The following RIMS2 variants were observed in gnomAD, a reference collection of about 807,000 sequenced individuals.
RIMS2 encodes the protein regulating synaptic membrane exocytosis 2, also known as regulating synaptic membrane exocytosis protein 2.
In RIMS2, 59 loss-of-function variants were observed where a neutral mutation model predicts 174.4. The ratio of observed to expected loss-of-function variants is 0.34; its 90% CI spans 0.27 to 0.42. The LOEUF is 0.42. Among genes scored for constraint, RIMS2 ranks in the 10% least tolerant of loss-of-function variants. The pLI, the probability that RIMS2 is intolerant of heterozygous loss-of-function variation, is 1.00. For synonymous variants in RIMS2, 606 were observed against 572.5 expected, an observed-to-expected ratio of 1.06 and a Z score of -0.84; for missense variants, 1,620 against 1,666.3, an observed-to-expected ratio of 0.97 and a Z score of 0.48.
chr8:103,615,833 T>C (rs1434802988), intron 1 of RIMS2, among the ~76,000 whole-genome samples: 2 of 152,110 alleles, frequency 1.3e-5, no homozygotes, highest in Non-Finnish European at 2.9e-5. Flanking sequence ...AAGTAATTGA[T>C]TCCCCAAACA....
At chr8:103,977,892 A>G (rs12675809) in intron 16 of RIMS2, among the ~76,000 whole-genome samples, 101,914 of 152,022 alleles carry the variant, frequency 0.67, 34,958 homozygotes, top group African/African-American at 0.71. Flanking sequence ...CAACCTGGAA[A>G]CTCATCAAAT....
intron 1 of RIMS2, among the ~76,000 whole-genome samples, chr8:103,534,943 A>G (rs377362993): frequency 9.0e-4 from 137 of 152,294 alleles, no homozygotes; most frequent in African/African-American, 3.2e-3. Context: ...ATACCAGTTG[A>G]GACTTATTTG....
chr8:104,130,180 A>G (rs1225510683), intron 19 of RIMS2, among the ~76,000 whole-genome samples: 1 of 152,226 alleles, frequency 6.6e-6, no homozygotes, highest in Non-Finnish European at 1.5e-5. Context: ...AAACAATTGC[A>G]ATAGAAGAAT....
chr8:103,792,441 T>G (rs758477200), intron 3 of RIMS2, among the ~76,000 whole-genome samples: 1 of 152,124 alleles, frequency 6.6e-6, no homozygotes. Context: ...GGGAAATTTA[T>G]AGCACTAAAT....
rs2093075179 is a variant in RIMS2, at chr8:103,973,178, A to G, written c.2771-2172A>G. Among the ~76,000 whole-genome samples, 3 of 152,200 alleles carry G rather than the reference A, an allele frequency of 2.0e-5. No homozygotes were observed. In the South Asian group the frequency reaches 6.2e-4, roughly 32 times the overall value. On this transcript the variant is annotated intron_variant, in intron 15 of 23. Transcript: ENST00000504942. ...TTCCATCATCAGAGCAGAATGTACTATTGGGACACAGTGAGAGCACTGGAG... is the reference window on the plus strand; with the variant it reads ...TTCCATCATCAGAGCAGAATGTACTGTTGGGACACAGTGAGAGCACTGGAG...
chr8:103,792,953 CA>C (rs1246812978), intron 3 of RIMS2, among the ~76,000 whole-genome samples: 2 of 151,874 alleles, frequency 1.3e-5, no homozygotes, highest in Admixed American at 1.3e-4. Context: ...GCCTACCAAC[CA>C]AAAAAAGTCC....
chr8:103,961,927 T>G (rs1595898156), intron 15 of RIMS2, among the ~76,000 whole-genome samples: 1 of 152,270 alleles, frequency 6.6e-6, no homozygotes, highest in African/African-American at 2.4e-5. Flanking sequence ...TTTTTCCCTT[T>G]CTTTGTACTA....
At chr8:104,190,847 T>C (rs1418968675) in intron 19 of RIMS2, among the ~76,000 whole-genome samples, 1 of 152,104 alleles carries the variant, frequency 6.6e-6, no homozygotes, top group East Asian at 1.9e-4. Context: ...GAATTATTGA[T>C]AACAGGTTGC....
At chr8:104,044,350 A>G (rs1019377115) in intron 19 of RIMS2, among the ~76,000 whole-genome samples, 1 of 151,734 alleles carries the variant, frequency 6.6e-6, no homozygotes, top group South Asian at 2.1e-4. Flanking sequence ...AGTAGTAGCA[A>G]AACAAGGAGA....
chr8:103,711,442 T>A (rs953177835), intron 2 of RIMS2, among the ~76,000 whole-genome samples: 1 of 152,234 alleles, frequency 6.6e-6, no homozygotes, highest in East Asian at 1.9e-4. Context: ...TGAATCATTA[T>A]AATAGCAATT....
intron 19 of RIMS2, among the ~76,000 whole-genome samples, chr8:104,146,204 C>CAAAAAA (rs36101798): frequency 1.4e-4 from 9 of 65,914 alleles, no homozygotes; most frequent in South Asian, 7.5e-4. Flanking sequence ...TCTCCTCTCC[C>CAAAAAA]AAAAAAAAAA....
At chr8:103,542,159 T>C (rs1246131208) in intron 1 of RIMS2, among the ~76,000 whole-genome samples, 3 of 152,076 alleles carry the variant, frequency 2.0e-5, no homozygotes, top group African/African-American at 7.2e-5. Flanking sequence ...AGAAAAGATA[T>C]TCCAACTCAG....
intron 1 of RIMS2, among the ~76,000 whole-genome samples, chr8:103,550,850 A>G (rs1308262871): frequency 1.3e-5 from 2 of 151,550 alleles, no homozygotes; most frequent in Admixed American, 6.6e-5. Context: ...TAAAGTAGAA[A>G]ATCTAGAAGA....
chr8:103,682,613 C>T lies in RIMS2; in HGVS notation c.177-14473C>T, dbSNP rs56675271. Among the ~76,000 whole-genome samples the T allele has an allele frequency of 2.9e-3, 446 of 152,228 alleles. 2 individuals are homozygous for T. Among genetic ancestry groups the T allele is most frequent in the Middle Eastern group, 0.01 (3 of 294 alleles). ...TGTAAATGGGAAGGGAAGATATGAT[C>T]TTGGCAAGGAACGTCAATTAACTCC... On this transcript the variant is annotated intron_variant, in intron 1 of 23. Transcript: ENST00000504942.
At chr8:103,716,902 C>G (rs1031946410) in intron 2 of RIMS2, among the ~76,000 whole-genome samples, 1 of 152,038 alleles carries the variant, frequency 6.6e-6, no homozygotes, top group Admixed American at 6.6e-5. Flanking sequence ...GTAGATACGA[C>G]TAGACTACCG....
rs567965940 is a variant in RIMS2, at chr8:103,670,321, T to A, written c.177-26765T>A. ...TCCTCCTAGACCTCTAGACCTGTGA[T>A]GGAAGGGGCTGCTGCAAAAGTCTCT... On this transcript the variant is annotated intron_variant, in intron 1 of 23. Coordinates refer to ENST00000504942, the Ensembl canonical transcript of RIMS2. Among the ~76,000 whole-genome samples, 5 of 152,354 alleles carry A rather than the reference T, an allele frequency of 3.3e-5. No homozygotes were observed. In the South Asian group the frequency reaches 6.2e-4, roughly 19 times the overall value.
chr8:103,871,445 T>C (rs1361644706), intron 3 of RIMS2, among the ~76,000 whole-genome samples: 1 of 152,098 alleles, frequency 6.6e-6, no homozygotes, highest in Admixed American at 6.6e-5. Context: ...AAAAATCTAG[T>C]ATAATTTTTT....
intron 1 of RIMS2, among the ~76,000 whole-genome samples, chr8:103,588,010 A>G (rs115862534): frequency 0.031 from 4,722 of 152,138 alleles, 219 homozygotes; most frequent in African/African-American, 0.1. Context: ...GAAAAACCTA[A>G]AGACTCCACA....
intron 4 of RIMS2, among the ~76,000 whole-genome samples, chr8:103,890,968 G>A (rs933579535): frequency 5.9e-5 from 9 of 151,740 alleles, no homozygotes; most frequent in Non-Finnish European, 8.8e-5. Flanking sequence ...CAGCATCCCT[G>A]GCCTCTACCT....
Sources: gnomAD v4.1 joint callset for allele counts (sites outside exome capture counted in the v4.1 genomes callset) on GRCh38, gnomAD v4.1.1 for gene constraint, MANE v1.5 for transcripts, NCBI Gene and HGNC (gene_info 2026-07-23, HGNC 2026-07-21) for gene names.